Variants in CAMTA1 observed in about 807,000 individuals in gnomAD.
CAMTA1 encodes the protein calmodulin-binding transcription activator 1.
CAMTA1 carries 27 observed loss-of-function variants against 170.9 expected under a neutral mutation model. The ratio of observed to expected loss-of-function variants is 0.16; its 90% CI spans 0.12 to 0.22. CAMTA1 has a LOEUF of 0.22. CAMTA1 is among the 10% of genes least tolerant of loss of function. The probability of loss-of-function intolerance (pLI) is 1.00; values close to 1 mark genes in which losing one functional copy is unlikely to be tolerated. For missense variants in CAMTA1, 1,619 were observed against 2,217.2 expected, an observed-to-expected ratio of 0.73 and a Z score of 5.42; for synonymous variants, 833 against 891.5, an observed-to-expected ratio of 0.93 and a Z score of 1.17.
Position 7,732,187 on chromosome 1 carries a change from T to G in CAMTA1, c.2915-261T>G, listed in dbSNP as rs2096738850. 6.6e-6 allele frequency among the ~76,000 whole-genome samples: 1 copy of G among 152,198 alleles called. No homozygotes were observed. The highest frequency in any genetic ancestry group is 1.5e-5 in the Non-Finnish European group (1 of 68,030). ...ACAAAGAAACTAGGGGGCAGGAACCTGAACCTCTTTTTGATCTTTGACAAA... is the reference window on the plus strand; with the variant it reads ...ACAAAGAAACTAGGGGGCAGGAACCGGAACCTCTTTTTGATCTTTGACAAA... On this transcript the variant is annotated intron_variant, in intron 11 of 22. Coordinates refer to ENST00000303635, the MANE Select transcript of CAMTA1 (RefSeq NM_015215.4). The surrounding 1 kb of genome is among the most constrained non-coding windows in gnomAD (Gnocchi z 4.1).
intron 3 of CAMTA1, among the ~76,000 whole-genome samples, chr1:6,919,873 C>A (rs72470171): frequency 2.0e-5 from 3 of 152,038 alleles, no homozygotes; most frequent in East Asian, 1.9e-4. Context: ...GACCCACCCC[C>A]CTAATTCAGT....
chr1:7,535,701 G>T (rs571771615), intron 6 of CAMTA1, among the ~76,000 whole-genome samples: 67 of 152,268 alleles, frequency 4.4e-4, no homozygotes, highest in Non-Finnish European at 7.4e-4. Flanking sequence ...CACCTGGCAG[G>T]TTTAATAGAC....
intron 3 of CAMTA1, among the ~76,000 whole-genome samples, chr1:7,025,745 T>C (rs61780949): frequency 0.26 from 40,145 of 151,728 alleles, 5,467 homozygotes; most frequent in Middle Eastern, 0.35. Flanking sequence ...GGGGATGGAG[T>C]GGGGGAAGAG....
chr1:7,705,698 G>T (rs985663415), intron 11 of CAMTA1, among the ~76,000 whole-genome samples: 1 of 152,176 alleles, frequency 6.6e-6, no homozygotes, highest in Non-Finnish European at 1.5e-5. Flanking sequence ...GCGAGGTGCG[G>T]GCACAGCCCT....
At chr1:7,266,967 A>G (rs1669031529) in intron 5 of CAMTA1, among the ~76,000 whole-genome samples, 1 of 152,200 alleles carries the variant, frequency 6.6e-6, no homozygotes, top group African/African-American at 2.4e-5. Context: ...AAGTGTCATG[A>G]GAAGCCACTG....
intron 5 of CAMTA1, among the ~76,000 whole-genome samples, chr1:7,324,211 CTTG>C (rs1678920675): frequency 6.6e-6 from 1 of 152,172 alleles, no homozygotes; most frequent in South Asian, 2.1e-4. Context: ...GTAACTTCCT[CTTG>C]AATATTTCAT....
At position 6,995,295 on chromosome 1, in the gene CAMTA1, C is replaced by CTTTTTTTTTT. The variant is rs765139922; in HGVS notation, c.235-95994_235-95985dup. Among the ~76,000 whole-genome samples the CTTTTTTTTTT allele has an allele frequency of 2.2e-3, 135 of 60,624 alleles. 9 individuals are homozygous for CTTTTTTTTTT. The highest frequency in any genetic ancestry group is 4.2e-3 in the African/African-American group (62 of 14,624). The allele number at this position is 60,624 out of a possible 152,430, so 39.8% of individuals were successfully genotyped here. A position where few individuals can be genotyped will look rare whatever the true frequency, so the allele number is the denominator to read the frequency against. On this transcript the variant is annotated intron_variant, in intron 3 of 22. Transcript: ENST00000303635. ...TCCTTTAAAATCTTTTTTTTCTTTT[C>CTTTTTTTTTT]TTTTTTTTTTTTTTTTTTTTTTTTG...
At chr1:6,880,426 G>A (rs1455711081) in intron 3 of CAMTA1, among the ~76,000 whole-genome samples, 2 of 106,368 alleles carry the variant, frequency 1.9e-5, no homozygotes, top group Non-Finnish European at 3.5e-5. Flanking sequence ...GTTTCACTCT[G>A]TTGCCTAGGC....
chr1:6,954,052 C>G lies in CAMTA1; in HGVS notation c.234+128842C>G, dbSNP rs536050005. Among the ~76,000 whole-genome samples the G allele has an allele frequency of 1.6e-4, 25 of 152,332 alleles. No homozygotes were observed. The East Asian group carries it at 4.6e-3, about 28-fold the overall frequency. On this transcript the variant is annotated intron_variant, in intron 3 of 22. Coordinates refer to ENST00000303635, the MANE Select transcript of CAMTA1 (RefSeq NM_015215.4). ...GGAAGGATGCCTGCGTGGCTTGAAC[C>G]CTGACCTCCACCATCAGCCACATGT...
chr1:6,918,802 C>T lies in CAMTA1; in HGVS notation c.234+93592C>T, dbSNP rs962267947. Among the ~76,000 whole-genome samples, 5 of 152,192 alleles carry T rather than the reference C, an allele frequency of 3.3e-5. No homozygotes were observed. Among genetic ancestry groups the T allele is most frequent in the Non-Finnish European group, 7.3e-5 (5 of 68,038 alleles). On this transcript the variant is annotated intron_variant, in intron 3 of 22. Coordinates refer to ENST00000303635, the MANE Select transcript of CAMTA1 (RefSeq NM_015215.4). The surrounding 1 kb of genome is among the most constrained non-coding windows in gnomAD (Gnocchi z 4.0). Reference sequence around the variant, plus strand: ...CACCGCGTTCCCCCAGCCTGTCACCCTGTGGCTGGAGGGTGGCTTGCTGCC... The same window carrying T: ...CACCGCGTTCCCCCAGCCTGTCACCTTGTGGCTGGAGGGTGGCTTGCTGCC...
chr1:7,250,447 G>T (rs572540136), intron 5 of CAMTA1, among the ~76,000 whole-genome samples: 2 of 152,196 alleles, frequency 1.3e-5, no homozygotes, highest in Non-Finnish European at 2.9e-5. Context: ...ATTGCCTTGG[G>T]CCCGGAGCTG....
At chr1:7,082,998 G>C (rs1232041417) in intron 3 of CAMTA1, among the ~76,000 whole-genome samples, 3 of 152,186 alleles carry the variant, frequency 2.0e-5, no homozygotes, top group Non-Finnish European at 2.9e-5. Flanking sequence ...CATATTGTAG[G>C]TGCTCAATAA....
intron 5 of CAMTA1, among the ~76,000 whole-genome samples, chr1:7,402,190 G>A (rs2089952537): frequency 6.6e-6 from 1 of 152,162 alleles, no homozygotes; most frequent in African/African-American, 2.4e-5. Context: ...TTGGGAAAAA[G>A]AGATAAAGGT....
At chr1:7,677,870 A>G in intron 11 of CAMTA1, 137 bp downstream of exon 11, 1 of 1,002,766 alleles carries the variant, frequency 1.0e-6, no homozygotes, top group African/African-American at 1.6e-5. Flanking sequence ...AGGAAGGCCG[A>G]CTGGGTCTCC....
chr1:7,337,529 G>C (rs1185310872), intron 5 of CAMTA1, among the ~76,000 whole-genome samples: 1 of 135,152 alleles, frequency 7.4e-6, no homozygotes, highest in Non-Finnish European at 1.6e-5. Context: ...TCCAATCACA[G>C]TGTGGGCCGT....
At chr1:7,721,921 G>A (rs982031193) in intron 11 of CAMTA1, among the ~76,000 whole-genome samples, 2 of 151,934 alleles carry the variant, frequency 1.3e-5, no homozygotes, top group African/African-American at 4.8e-5. Context: ...GACAGAGGAG[G>A]GACTTAATTT....
At chr1:7,096,012 G>A (rs1025445203) in intron 4 of CAMTA1, among the ~76,000 whole-genome samples, 1 of 152,256 alleles carries the variant, frequency 6.6e-6, no homozygotes, top group African/African-American at 2.4e-5. Context: ...GTTAGAAAGA[G>A]GCTGGAAAAG....
chr1:6,865,844 G>C (rs1251832089), intron 3 of CAMTA1, among the ~76,000 whole-genome samples: 1 of 152,194 alleles, frequency 6.6e-6, no homozygotes, highest in Non-Finnish European at 1.5e-5. Context: ...CCTGAACCCA[G>C]GTTCAAGGAC....
In CAMTA1 at chr1:6,789,225, C is replaced by T. The variant is rs962408870; in HGVS notation, c.45+3650C>T. Among the ~76,000 whole-genome samples, 4 of 151,120 alleles carry T rather than the reference C, an allele frequency of 2.6e-5. No individual in the cohort carries two copies. In the East Asian group the frequency reaches 7.7e-4, roughly 29 times the overall value. On this transcript the variant is annotated intron_variant, in intron 1 of 22. Transcript: ENST00000303635. The stretch of plus-strand genomic sequence containing the variant: ...AAGAGTAGTGTTGCTCTTACTTGCT[C>T]TTTGAGACATATTTATGCATCCTGC...
Sources: allele counts gnomAD v4.1 joint callset (sites outside exome capture counted in the v4.1 genomes callset), GRCh38; gene constraint gnomAD v4.1.1; non-coding constraint Gnocchi (gnomAD v3.1); transcripts MANE v1.5; gene names NCBI Gene and HGNC (gene_info 2026-07-23, HGNC 2026-07-21).